Variants in PHACTR2 observed in about 807,000 individuals in gnomAD.
PHACTR2 encodes the protein phosphatase and actin regulator 2, also known as chromosome 6 open reading frame 56.
PHACTR2 carries 30 observed loss-of-function variants against 76.0 expected under a neutral mutation model. The observed-to-expected ratio is 0.39, with a 90% CI of 0.30 to 0.54. The LOEUF is 0.54. Among genes scored for constraint, PHACTR2 ranks in the 20% least tolerant of loss-of-function variants. The probability of loss-of-function intolerance (pLI) is 0.61; values close to 1 mark genes in which losing one functional copy is unlikely to be tolerated. For missense variants in PHACTR2, 696 were observed against 781.1 expected, an observed-to-expected ratio of 0.89 and a Z score of 1.30; for synonymous variants, 292 against 292.5, an observed-to-expected ratio of 1.00 and a Z score of 0.02.
rs1483874745 is a variant in PHACTR2, at chr6:143,550,139, A to C, written c.217+12932A>C. Among the ~76,000 whole-genome samples, 1 of 152,056 alleles carries C rather than the reference A, an allele frequency of 6.6e-6. No homozygotes were observed. The highest frequency in any genetic ancestry group is 1.5e-5 in the Non-Finnish European group (1 of 67,956). On this transcript the variant is annotated intron_variant, in intron 1 of 11. Coordinates refer to the PHACTR2 transcript ENST00000367584. This position sits in a 1 kb window ranked among gnomAD's most constrained non-coding sequence, Gnocchi z 4.8. ...TATGAGTAGATGACAGAGTCGTATT[A>C]TCTAATGTAGCATTTCTCATATCTA...
chr6:143,768,160 T>TCTGA (rs1774991540), intron 6 of PHACTR2, among the ~76,000 whole-genome samples: 1 of 152,164 alleles, frequency 6.6e-6, no homozygotes, highest in Non-Finnish European at 1.5e-5. Context: ...ACCCATGAAT[T>TCTGA]CTGAGGGACA....
At chr6:143,758,795 A>G (rs1462335672) in intron 4 of PHACTR2, among the ~76,000 whole-genome samples, 2 of 152,214 alleles carry the variant, frequency 1.3e-5, no homozygotes, top group Non-Finnish European at 2.9e-5. Context: ...CTTTAAAAGT[A>G]AAGCTTTATT....
chr6:143,822,401 G>A lies in PHACTR2; in HGVS notation c.1923-1273G>A, dbSNP rs985953639. On this transcript the variant is annotated intron_variant, in intron 12 of 12. Coordinates refer to ENST00000440869, the MANE Select transcript of PHACTR2 (RefSeq NM_001100164.2). The surrounding 1 kb of genome is among the most constrained non-coding windows in gnomAD (Gnocchi z 5.5). ...AGAACTGGGTTGGGCGCAGTGGCTC[G>A]TACCTGTAATCACAGCACTGTGGAA... is the stretch of plus-strand genomic sequence containing the variant. Among the ~76,000 whole-genome samples, 10 of 152,184 alleles carry A rather than the reference G, an allele frequency of 6.6e-5. No individual in the cohort carries two copies. The South Asian group carries it at 1.9e-3, about 28-fold the overall frequency.
rs761143870 is a variant in PHACTR2, at chr6:143,602,199, C to T, written c.217+64992C>T. The stretch of plus-strand genomic sequence containing the variant: ...GTTTTGAAGTCATCTCCACCTTGTC[C>T]CTCTAACCTTCCCATCTAGTCAGGT... On this transcript the variant is annotated intron_variant, in intron 1 of 11. Coordinates refer to the PHACTR2 transcript ENST00000367584. The surrounding 1 kb of genome is among the most constrained non-coding windows in gnomAD (Gnocchi z 6.1). 1.3e-5 allele frequency among the ~76,000 whole-genome samples: 2 copies of T among 152,174 alleles called. No homozygotes were observed. The highest frequency in any genetic ancestry group is 2.9e-5 in the Non-Finnish European group (2 of 68,028).
chr6:143,777,757 C>G lies in PHACTR2; in HGVS notation c.1645+374C>G, dbSNP rs1483876717. ...CAAAAGAATCCACAAGGAAACAAATCAAACATTCCTATATTATTATTAACA... is the reference window on the plus strand; with the variant it reads ...CAAAAGAATCCACAAGGAAACAAATGAAACATTCCTATATTATTATTAACA... On this transcript the variant is annotated intron_variant, in intron 9 of 12. Coordinates refer to ENST00000440869, the MANE Select transcript of PHACTR2 (RefSeq NM_001100164.2). This position sits in a 1 kb window ranked among gnomAD's most constrained non-coding sequence, Gnocchi z 4.6. Among the ~76,000 whole-genome samples the G allele has an allele frequency of 6.6e-6, 1 of 152,140 alleles. No homozygotes were observed. The highest frequency in any genetic ancestry group is 6.5e-5 in the Admixed American group (1 of 15,274).
chr6:143,559,300 T>A (rs1234169505), intron 1 of PHACTR2, among the ~76,000 whole-genome samples: 2 of 152,206 alleles, frequency 1.3e-5, no homozygotes, highest in Non-Finnish European at 2.9e-5. Context: ...TCTCAGGCTA[T>A]TAAGAATTCA....
At chr6:143,712,711 A>G (rs750875539) in intron 2 of PHACTR2, among the ~76,000 whole-genome samples, 6 of 152,218 alleles carry the variant, frequency 3.9e-5, no homozygotes, top group Non-Finnish European at 8.8e-5. Flanking sequence ...TTTAGTGGCT[A>G]TATGAAAGAA....
intron 1 of PHACTR2, among the ~76,000 whole-genome samples, chr6:143,637,467 A>T (rs1046745730): frequency 1.3e-5 from 2 of 152,178 alleles, no homozygotes; most frequent in African/African-American, 4.8e-5. Context: ...TCTCAGTAAG[A>T]CTTTGCGAAA....
chr6:143,688,061 G>C lies in PHACTR2; in HGVS notation c.46+9852G>C, dbSNP rs1777560990. The stretch of plus-strand genomic sequence containing the variant: ...GAGTGGAAGGGAAGGGATATGTAGA[G>C]AATTGTAGGACTAGATCAGGAGGCA... On this transcript the variant is annotated intron_variant, in intron 1 of 12. Coordinates refer to ENST00000440869, the MANE Select transcript of PHACTR2 (RefSeq NM_001100164.2). The surrounding 1 kb of genome is among the most constrained non-coding windows in gnomAD (Gnocchi z 5.2). Among the ~76,000 whole-genome samples the C allele has an allele frequency of 1.3e-5, 2 of 152,136 alleles. No homozygotes were observed. Among genetic ancestry groups the C allele is most frequent in the South Asian group, 4.1e-4 (2 of 4,834 alleles).
chr6:143,577,767 C>T lies in PHACTR2; in HGVS notation c.217+40560C>T, dbSNP rs191936378. Among the ~76,000 whole-genome samples the T allele has an allele frequency of 1.5e-4, 18 of 123,558 alleles. 1 individual carries two copies. Among genetic ancestry groups the T allele is most frequent in the Admixed American group, 1.1e-3 (14 of 13,088 alleles). 81.1% of individuals were successfully genotyped at this position (123,558 alleles called of 152,430 possible). A position where few individuals can be genotyped will look rare whatever the true frequency, so the allele number is the denominator to read the frequency against. On this transcript the variant is annotated intron_variant, in intron 1 of 11. Coordinates refer to the PHACTR2 transcript ENST00000367584. ...GAGATTAACCTGGTAACCATATCGT[C>T]GATGGAAAAAAAAAAAGTGAGAGAG...
chr6:143,712,057 C>G lies in PHACTR2; in HGVS notation c.88C>G (p.Pro30Ala). The change falls in exon 2 of 13, where the codon CCC becomes GCC. Residue 30 changes from proline to alanine, a missense_variant. Physicochemically the swap from Pro to Ala is conservative, Grantham distance 27. This residue lies in a region of PHACTR2 where 460 missense variants were observed against 450.9 expected (regional missense o/e 1.02). Transcript: ENST00000440869. ...DKASIANSDG[P>A]TAGSQTPPFK... ...AGCTTCTATAGCAAACTCAGATGGC[C>G]CCACAGCAGGTTCCCAAACACCTCC... 3 of 1,597,166 alleles carry G rather than the reference C, an allele frequency of 1.9e-6. No individual in the cohort carries two copies. The highest frequency in any genetic ancestry group is 2.6e-6 in the Non-Finnish European group (3 of 1,173,524).
At position 143,816,843 on chromosome 6, in the gene PHACTR2, ATCGC is replaced by A. The variant is rs1350901180; in HGVS notation, c.1923-6829_1923-6826del. Among the ~76,000 whole-genome samples the A allele has an allele frequency of 4.6e-5, 7 of 152,120 alleles. No homozygotes were observed. Among genetic ancestry groups the A allele is most frequent in the Non-Finnish European group, 1.0e-4 (7 of 68,026 alleles). On this transcript the variant is annotated intron_variant, in intron 12 of 12. Transcript: ENST00000440869. This position sits in a 1 kb window ranked among gnomAD's most constrained non-coding sequence, Gnocchi z 4.5. The stretch of plus-strand genomic sequence containing the variant: ...CACTTTGGGAGGCTGAGGCGGGAGG[ATCGC>A]TTGAGGCCAGGAGTTCAAGACCAGC...
rs189154973 is a variant in PHACTR2, at chr6:143,637,221, C to T, written c.13+28899C>T. ...CTTGCTCCCTTGTTTTTGCTCTAAC[C>T]TCAATTCCATGAGCCACTCAATATC... On this transcript the variant is annotated intron_variant, in intron 1 of 11. Transcript: ENST00000305766. Among the ~76,000 whole-genome samples, 62 of 152,074 alleles carry T rather than the reference C, an allele frequency of 4.1e-4. No homozygotes were observed. In the East Asian group the frequency reaches 4.4e-3, roughly 11 times the overall value.
chr6:143,750,873 T>C lies in PHACTR2; in HGVS notation c.295+1808T>C, dbSNP rs736784. On this transcript the variant is annotated intron_variant, in intron 3 of 12. Transcript: ENST00000440869. The surrounding 1 kb of genome is among the most constrained non-coding windows in gnomAD (Gnocchi z 4.6). ...AATAGGCTTAATGTTTGAGAAGTCATAAAATACTAGATTTTACTTTCCAGC... is the reference window on the plus strand; with the variant it reads ...AATAGGCTTAATGTTTGAGAAGTCACAAAATACTAGATTTTACTTTCCAGC... Among the ~76,000 whole-genome samples the C allele has an allele frequency of 0.29, 44,553 of 152,080 alleles. 7,732 individuals are homozygous for C. The highest frequency in any genetic ancestry group is 0.38 in the Non-Finnish European group (25,977 of 67,954).
intron 2 of PHACTR2, among the ~76,000 whole-genome samples, chr6:143,744,596 C>A (rs1562290919): frequency 6.6e-6 from 1 of 152,148 alleles, no homozygotes; most frequent in East Asian, 1.9e-4. Flanking sequence ...GTGAGTCTAG[C>A]AGTTGTCTGG....
In PHACTR2 at chr6:143,583,880, G is replaced by A. The variant is rs138270093; in HGVS notation, c.217+46673G>A. On this transcript the variant is annotated intron_variant, in intron 1 of 11. Coordinates refer to the PHACTR2 transcript ENST00000367584. The surrounding 1 kb of genome is among the most constrained non-coding windows in gnomAD (Gnocchi z 4.0). ...TTCAAAGGAGGACTTCCAGAATTCT[G>A]AGAGGTCTAGAGTGCTGGGACGGTG... Among the ~76,000 whole-genome samples, 13 of 152,352 alleles carry A rather than the reference G, an allele frequency of 8.5e-5. No individual in the cohort carries two copies. The highest frequency in any genetic ancestry group is 1.6e-4 in the Non-Finnish European group (11 of 68,034).
intron 2 of PHACTR2, among the ~76,000 whole-genome samples, chr6:143,728,342 G>T (rs1254473517): frequency 1.3e-5 from 2 of 150,376 alleles, no homozygotes; most frequent in Non-Finnish European, 3.0e-5. Flanking sequence ...CTCCCGAGTA[G>T]CTGGGACTAC....
chr6:143,802,940 A>C (rs1775990559), intron 11 of PHACTR2, among the ~76,000 whole-genome samples: 1 of 152,192 alleles, frequency 6.6e-6, no homozygotes, highest in East Asian at 1.9e-4. Flanking sequence ...TTTTTCAAAC[A>C]ACTAGTCCTT....
chr6:143,611,152 C>T lies in PHACTR2; in HGVS notation c.13+2830C>T, dbSNP rs1775967937. 7.0e-6 allele frequency among the ~76,000 whole-genome samples: 1 copy of T among 142,506 alleles called. No homozygotes were observed. 93.5% of individuals were successfully genotyped at this position (142,506 alleles called of 152,430 possible). ...ATCCCATATTCTACAGTGCAGAGTA[C>T]TGTTAAAAAAAAAAAGTTCTGCAGA... On this transcript the variant is annotated intron_variant, in intron 1 of 11. Transcript: ENST00000305766. This position sits in a 1 kb window ranked among gnomAD's most constrained non-coding sequence, Gnocchi z 4.4.
Sources: allele counts gnomAD v4.1 joint callset (sites outside exome capture counted in the v4.1 genomes callset), GRCh38; gene constraint gnomAD v4.1.1; regional missense constraint gnomAD v4.1.1; non-coding constraint Gnocchi (gnomAD v3.1); transcripts MANE v1.5; gene names NCBI Gene and HGNC (gene_info 2026-07-23, HGNC 2026-07-21).